The following OTOG variants were observed in gnomAD, a reference collection of about 807,000 sequenced individuals.
The protein encoded by OTOG is otogelin.
In OTOG, 296 loss-of-function variants were observed where a neutral mutation model predicts 313.8. The ratio of observed to expected loss-of-function variants is 0.94; its 90% confidence interval spans 0.86 to 1.04. The LOEUF is 1.04. Among genes scored for constraint, OTOG ranks in the 50% least tolerant of loss-of-function variants. The pLI is 0.00. For synonymous variants in OTOG, 1,533 were observed against 1,554.9 expected, an observed-to-expected ratio of 0.99 and a Z score of 0.33; for missense variants, 3,948 against 3,840.1, an observed-to-expected ratio of 1.03 and a Z score of -0.74.
Position 17,573,086 on chromosome 11 carries a change from T to A in OTOG, c.2089T>A (p.Ser697Thr). ...CDVHLQAASY[S>T]VQACSVLTGE... ...TGTTCTTCCTTCCCCAGCCTCCTAC[T>A]CAGTGCAGGCCTGCAGCGTGCTCAC... Residue 697 changes from serine to threonine, a missense_variant, in exon 19 of 56, where the codon TCA (serine) becomes ACA (threonine). Transcript: ENST00000399397. 6.5e-7 allele frequency: 1 copy of A among 1,547,078 alleles called. No individual in the cohort carries two copies.
intron 6 of OTOG, among the ~76,000 whole-genome samples, chr11:17,555,172 G>T (rs1852025930): frequency 6.7e-6 from 1 of 149,872 alleles, no homozygotes; most frequent in African/African-American, 2.5e-5. Flanking sequence ...TATGGCCTTT[G>T]AAGTCTGGGT....
chr11:17,644,485 C>T (rs1480865063), intron 54 of OTOG, among the ~76,000 whole-genome samples: 3 of 152,198 alleles, frequency 2.0e-5, no homozygotes, highest in African/African-American at 7.2e-5. Context: ...TTGTGGAGCG[C>T]CAACTATGTG....
At chr11:17,636,943 A>G (rs1854281214) in intron 47 of OTOG, among the ~76,000 whole-genome samples, 1 of 152,118 alleles carries the variant, frequency 6.6e-6, no homozygotes, top group Admixed American at 6.5e-5. Context: ...ATTTTTGTGA[A>G]GGACCAAATG....
chr11:17,548,989 G>A (rs969916661), intron 3 of OTOG, among the ~76,000 whole-genome samples: 2 of 152,150 alleles, frequency 1.3e-5, no homozygotes, highest in African/African-American at 4.8e-5. Flanking sequence ...AAAGTGCTGG[G>A]ATTAGGCATG....
intron 32 of OTOG, 57 bp downstream of exon 32, chr11:17,602,434 G>A: frequency 6.6e-7 from 1 of 1,516,016 alleles, no homozygotes. Flanking sequence ...GGTGCTAGAG[G>A]AGGGGAGGGT....
Position 17,634,897 on chromosome 11 carries a change from C to T in OTOG, c.7534C>T (p.Arg2512Cys), listed in dbSNP as rs533820347. The stretch of plus-strand genomic sequence containing the variant: ...CGCCCCCACATGCCGCCCAGGCCAC[C>T]GCCTCCTCACCCACTTCCAGGAGGA... ...GLAPTCRPGH[R>C]LLTHFQEDSC... Residue 2512 changes from arginine (R) to cysteine (C), a missense_variant, in exon 45 of 56, where the codon CGC (arginine) becomes TGC (cysteine). Arg to Cys is a radical substitution (Grantham distance 180, BLOSUM62 -3). Coordinates refer to ENST00000399397, the MANE Select transcript of OTOG (RefSeq NM_001292063.2). 5.2e-4 allele frequency: 799 copies of T among 1,549,254 alleles called. 2 individuals are homozygous for T. The highest frequency in any genetic ancestry group is 7.4e-4 in the Middle Eastern group (4 of 5,432).
chr11:17,614,810 T>A (rs923549197), intron 39 of OTOG, among the ~76,000 whole-genome samples: 8 of 152,248 alleles, frequency 5.3e-5, no homozygotes, highest in Non-Finnish European at 1.2e-4. Context: ...ATATTTGAGT[T>A]GTTTCCAGTT....
chr11:17,628,366 A>G (rs1452438979), intron 39 of OTOG, among the ~76,000 whole-genome samples: 4 of 152,132 alleles, frequency 2.6e-5, no homozygotes, highest in African/African-American at 9.7e-5. Context: ...TGAAGGGAGG[A>G]GGTTAATTCA....
chr11:17,612,171 G>A lies in OTOG; in HGVS notation c.6133G>A (p.Glu2045Lys), dbSNP rs1298811702. 5.8e-6 allele frequency: 9 copies of A among 1,549,312 alleles called. No homozygotes were observed. Among genetic ancestry groups the A allele is most frequent in the East Asian group, 2.4e-5 (1 of 40,914 alleles). ...NTSTTCVPIA[E>K]QDCVRHICLE... is the part of the protein sequence containing the mutation. ...TCCACTCTGTACCCAGCCAATCGCC[G>A]AGCAGGACTGCGTCCGCCACATCTG... The change falls in exon 37 of 56, where the codon GAG (glutamate) becomes AAG (lysine). Residue 2045 changes from glutamate (E) to lysine (K), a missense_variant. Physicochemically the swap from Glu to Lys is moderately conservative, Grantham distance 56 (BLOSUM62 1). Coordinates refer to ENST00000399397, the MANE Select transcript of OTOG (RefSeq NM_001292063.2).
chr11:17,622,069 C>T (rs1853878573), intron 39 of OTOG, among the ~76,000 whole-genome samples: 1 of 152,062 alleles, frequency 6.6e-6, no homozygotes, highest in Non-Finnish European at 1.5e-5. Flanking sequence ...ATCATGAAGC[C>T]CAATCCTCTG....
At chr11:17,569,006 G>T in intron 15 of OTOG, 150 bp from the exon 16 acceptor site, 2 of 935,322 alleles carry the variant, frequency 2.1e-6, no homozygotes, top group Non-Finnish European at 3.2e-6. Flanking sequence ...GTATTTGGTT[G>T]GATGATCCCT....
intron 39 of OTOG, among the ~76,000 whole-genome samples, chr11:17,625,065 A>G (rs1590050838): frequency 6.6e-6 from 1 of 152,152 alleles, no homozygotes; most frequent in Admixed American, 6.5e-5. Context: ...GGTTGGAACT[A>G]TGGGGTTTTC....
In OTOG at chr11:17,609,959, A is replaced by G; in HGVS notation, c.4659A>G (p.Gly1553=). Residue 1553 remains glycine (G), a synonymous_variant, in exon 36 of 56, where the codon GGA becomes GGG. Coordinates refer to ENST00000399397, the MANE Select transcript of OTOG (RefSeq NM_001292063.2). The part of the protein sequence containing the change: ...AGPTESPASK[G]VTASLLAIPH... ...CCACGGAGTCCCCAGCCAGCAAGGG[A>G]GTGACTGCCAGCCTCCTGGCCATCC... 6.5e-7 allele frequency: 1 copy of G among 1,542,654 alleles called. No individual in the cohort carries two copies. Among genetic ancestry groups the G allele is most frequent in the Non-Finnish European group, 8.8e-7 (1 of 1,142,160 alleles).
In OTOG at chr11:17,639,421, A is replaced by G. The variant is rs749417766; in HGVS notation, c.7895-2A>G. Reference sequence around the variant, plus strand: ...TGGGGCCTGGCCCCTTGTGTTTTTCAGAATGTGACTGTGACACAATCCCGG... The same window carrying G: ...TGGGGCCTGGCCCCTTGTGTTTTTCGGAATGTGACTGTGACACAATCCCGG... On this transcript the variant is annotated splice_acceptor_variant, in intron 48 of 55. Transcript: ENST00000399397. LOFTEE classifies it high-confidence loss of function. The G allele has an allele frequency of 1.3e-5, 20 of 1,550,582 alleles. No homozygotes were observed. In the South Asian group the frequency reaches 2.3e-4, roughly 18 times the overall value.
Position 17,635,605 on chromosome 11 carries a change from C to G in OTOG, c.7694-5C>G. The G allele has an allele frequency of 1.3e-6, 2 of 1,549,568 alleles. No homozygotes were observed. Among genetic ancestry groups the G allele is most frequent in the Non-Finnish European group, 1.7e-6 (2 of 1,146,146 alleles). On this transcript the variant is annotated splice_polypyrimidine_tract_variant and splice_region_variant and intron_variant, in intron 46 of 55. Transcript: ENST00000399397. Reference sequence around the variant, plus strand: ...TGTGACAGCATTGACCCTCTTCCCCCTCAGCCTGTGGTGACTGTCCAGACT... The same window carrying G: ...TGTGACAGCATTGACCCTCTTCCCCGTCAGCCTGTGGTGACTGTCCAGACT...
At chr11:17,643,121 G>C (rs1456199844) in intron 53 of OTOG, among the ~76,000 whole-genome samples, 1 of 152,254 alleles carries the variant, frequency 6.6e-6, no homozygotes. Context: ...ACCAAAGTGG[G>C]TGACCCCTGC....
chr11:17,582,807 T>G (rs547957292), intron 23 of OTOG, among the ~76,000 whole-genome samples: 1 of 152,302 alleles, frequency 6.6e-6, no homozygotes, highest in Admixed American at 6.5e-5. Context: ...AATTTGGTCT[T>G]TTTTTATTTG....
rs1219068989 is a variant in OTOG, at chr11:17,634,965, G to C, written c.7585+17G>C. ...ACAGCTGTGGTGAGAGGCCCGGGGT[G>C]GGGAGGGTGGGGGACGGACTGAGGG... On this transcript the variant is annotated intron_variant, in intron 45 of 55. Coordinates refer to ENST00000399397, the MANE Select transcript of OTOG (RefSeq NM_001292063.2). 6.7e-7 allele frequency: 1 copy of C among 1,499,614 alleles called. No individual in the cohort carries two copies. Among genetic ancestry groups the C allele is most frequent in the East Asian group, 2.5e-5 (1 of 40,612 alleles). The allele number at this position is 1,499,614 out of a possible 1,614,324, so 92.9% of individuals were successfully genotyped here. A position where few individuals can be genotyped will look rare whatever the true frequency, so the allele number is the denominator to read the frequency against.
intron 48 of OTOG, 88 bp downstream of exon 48, chr11:17,638,637 C>A: frequency 6.7e-7 from 1 of 1,483,072 alleles, no homozygotes; most frequent in African/African-American, 1.4e-5. Flanking sequence ...TACCACCGTC[C>A]ACTCCTCTCA....
Sources: allele counts gnomAD v4.1 joint callset (sites outside exome capture counted in the v4.1 genomes callset), GRCh38; gene constraint gnomAD v4.1.1; transcripts MANE v1.5; gene names NCBI Gene and HGNC (gene_info 2026-07-23, HGNC 2026-07-21).